The following MACROD2 variants were observed in gnomAD, a reference collection of about 807,000 sequenced individuals.
The protein encoded by MACROD2 is ADP-ribose glycohydrolase MACROD2.
Under a neutral mutation model 70.4 loss-of-function variants are expected in MACROD2, and 36 were observed. The observed-to-expected ratio is 0.51, with a 90% confidence interval of 0.39 to 0.68. MACROD2 has a LOEUF of 0.68. Ranked by LOEUF, MACROD2 falls within the 30% of genes least tolerant of loss-of-function variation. The probability of loss-of-function intolerance (pLI) is 0.00; values close to 1 mark genes in which losing one functional copy is unlikely to be tolerated. For synonymous variants in MACROD2, 172 were observed against 178.8 expected (o/e 0.96, Z 0.30); for missense variants, 496 against 538.4 (o/e 0.92, Z 0.78).
chr20:14,152,518 C>A (rs1310268063), intron 3 of MACROD2, among the ~76,000 whole-genome samples: 2 of 151,332 alleles, frequency 1.3e-5, no homozygotes, highest in Non-Finnish European at 2.9e-5. Context: ...CCTCCACTTA[C>A]CAGGTTCAAG....
intron 5 of MACROD2, among the ~76,000 whole-genome samples, chr20:14,947,173 G>A (rs1238175167): frequency 6.6e-6 from 1 of 152,204 alleles, no homozygotes; most frequent in Non-Finnish European, 1.5e-5. Context: ...CGCCGAGCAA[G>A]CTGGGGACAG....
chr20:15,035,354 T>G (rs1259696108), intron 5 of MACROD2, among the ~76,000 whole-genome samples: 1 of 152,014 alleles, frequency 6.6e-6, no homozygotes, highest in African/African-American at 2.4e-5. Flanking sequence ...CAGTGAGCCT[T>G]GATCACAACA....
At position 15,705,583 on chromosome 20, in the gene MACROD2, T is replaced by C. The variant is rs150244544; in HGVS notation, c.646-157162T>C. Among the ~76,000 whole-genome samples, 1,237 of 152,018 alleles carry C rather than the reference T, an allele frequency of 8.1e-3. 10 individuals carry two copies. The highest frequency in any genetic ancestry group is 0.027 in the African/African-American group (1,132 of 41,470). Reference sequence around the variant, plus strand: ...TATAGTCACCCTCCACCACGTCTGGTTAATTTTTGTATTTTTAGTAGAGAT... The same window carrying C: ...TATAGTCACCCTCCACCACGTCTGGCTAATTTTTGTATTTTTAGTAGAGAT... On this transcript the variant is annotated intron_variant, in intron 8 of 17. Transcript: ENST00000684519.
chr20:16,033,804 AAGAT>A (rs1321305368), intron 15 of MACROD2, among the ~76,000 whole-genome samples: 5 of 151,658 alleles, frequency 3.3e-5, no homozygotes, highest in Admixed American at 6.6e-5. Flanking sequence ...ACCTCTGAGA[AAGAT>A]AGCCAGAAGT....
chr20:14,004,637 G>A (rs1488051353), intron 2 of MACROD2, among the ~76,000 whole-genome samples: 1 of 151,952 alleles, frequency 6.6e-6, no homozygotes, highest in Middle Eastern at 3.2e-3. Context: ...AGTCAAGAGA[G>A]TTTTAGTGTT....
chr20:15,275,126 C>A (rs1471614599), intron 6 of MACROD2, among the ~76,000 whole-genome samples: 1 of 152,174 alleles, frequency 6.6e-6, no homozygotes, highest in Non-Finnish European at 1.5e-5. Context: ...GTTAACTATG[C>A]CCAGACCCAC....
intron 3 of MACROD2, among the ~76,000 whole-genome samples, chr20:14,446,715 T>G (rs1156647046): frequency 6.6e-6 from 1 of 152,060 alleles, no homozygotes; most frequent in Non-Finnish European, 1.5e-5. Flanking sequence ...CTCAGAGTAT[T>G]TCATTGTGGG....
intron 2 of MACROD2, among the ~76,000 whole-genome samples, chr20:14,030,529 C>G (rs866786524): frequency 1.3e-5 from 2 of 152,064 alleles, no homozygotes; most frequent in African/African-American, 4.8e-5. Context: ...CTGACTTAGC[C>G]CCACTGAGTA....
chr20:15,525,913 T>C (rs1297333326), intron 8 of MACROD2, among the ~76,000 whole-genome samples: 1 of 152,244 alleles, frequency 6.6e-6, no homozygotes, highest in Non-Finnish European at 1.5e-5. Flanking sequence ...CTGCCATGGC[T>C]GAGCATCACA....
At chr20:14,068,275 C>A (rs939092255) in intron 2 of MACROD2, among the ~76,000 whole-genome samples, 16 of 151,682 alleles carry the variant, frequency 1.1e-4, no homozygotes, top group East Asian at 7.7e-4. Context: ...CCCCACCCCC[C>A]CTGTGCTCCA....
intron 6 of MACROD2, among the ~76,000 whole-genome samples, chr20:15,405,342 T>C (rs949810834): frequency 1.3e-5 from 2 of 152,204 alleles, no homozygotes; most frequent in Non-Finnish European, 2.9e-5. Context: ...GCCAGTTATG[T>C]TGCTAAGTTT....
chr20:15,479,516 G>A (rs1012994299), intron 7 of MACROD2, among the ~76,000 whole-genome samples: 13 of 151,670 alleles, frequency 8.6e-5, no homozygotes, highest in South Asian at 4.2e-4. Context: ...CTCGTGATCC[G>A]CCCGCCTCGG....
At chr20:15,354,572 A>G (rs893260145) in intron 6 of MACROD2, among the ~76,000 whole-genome samples, 1 of 152,200 alleles carries the variant, frequency 6.6e-6, no homozygotes, top group Admixed American at 6.5e-5. Flanking sequence ...ATTTGACAAC[A>G]TGTTTTAAGC....
At chr20:14,510,210 G>C (rs1181142989) in intron 4 of MACROD2, among the ~76,000 whole-genome samples, 2 of 152,012 alleles carry the variant, frequency 1.3e-5, no homozygotes, top group Non-Finnish European at 2.9e-5. Context: ...ATTTGATCAG[G>C]ATATGTGGTC....
At chr20:15,586,550 A>T (rs1425737307) in intron 8 of MACROD2, among the ~76,000 whole-genome samples, 1 of 152,228 alleles carries the variant, frequency 6.6e-6, no homozygotes, top group Non-Finnish European at 1.5e-5. Context: ...ACTGATCTCA[A>T]TATAAAAGCC....
intron 5 of MACROD2, among the ~76,000 whole-genome samples, chr20:15,011,641 C>T (rs911864810): frequency 2.0e-5 from 3 of 152,084 alleles, no homozygotes; most frequent in African/African-American, 7.2e-5. Flanking sequence ...CGAGTCGGTA[C>T]CTGGTGTCTC....
intron 6 of MACROD2, among the ~76,000 whole-genome samples, chr20:15,414,464 T>C (rs1452564030): frequency 6.6e-6 from 1 of 152,234 alleles, no homozygotes; most frequent in Non-Finnish European, 1.5e-5. Flanking sequence ...TGTAGACGTG[T>C]CATGGACAGG....
intron 3 of MACROD2, among the ~76,000 whole-genome samples, chr20:14,411,684 C>A (rs1199947770): frequency 6.6e-6 from 1 of 152,080 alleles, no homozygotes; most frequent in Non-Finnish European, 1.5e-5. Context: ...CTCATATGAG[C>A]CCCAAGACCT....
chr20:14,845,071 A>G (rs1314230351), intron 5 of MACROD2, among the ~76,000 whole-genome samples: 2 of 152,118 alleles, frequency 1.3e-5, no homozygotes, highest in Non-Finnish European at 2.9e-5. Context: ...AACAGCTTCT[A>G]CTAACCACCC....
Sources: gnomAD v4.1 joint callset for allele counts (sites outside exome capture counted in the v4.1 genomes callset) on GRCh38, gnomAD v4.1.1 for gene constraint, MANE v1.5 for transcripts, NCBI Gene and HGNC (gene_info 2026-07-23, HGNC 2026-07-21) for gene names.